KRIT1: variants seen among roughly 807,000 people sequenced by gnomAD.
KRIT1 encodes krev interaction trapped protein 1.
In KRIT1, 45 loss-of-function variants were observed where a neutral mutation model predicts 95.8. The ratio of observed to expected loss-of-function variants is 0.47; its 90% CI spans 0.37 to 0.60. KRIT1 has a LOEUF of 0.60. KRIT1 is among the 20% of genes least tolerant of loss of function. The probability of loss-of-function intolerance (pLI) is 0.00; values close to 1 mark genes in which losing one functional copy is unlikely to be tolerated. For synonymous variants in KRIT1, 282 were observed against 278.8 expected (o/e 1.01, Z -0.11); for missense variants, 788 against 877.5 (o/e 0.90, Z 1.29).
intron 10 of KRIT1, among the ~76,000 whole-genome samples, chr7:92,228,217 G>T (rs1361094889): frequency 6.6e-6 from 1 of 152,204 alleles, no homozygotes; most frequent in Admixed American, 6.5e-5. Context: ...AATATTTTAG[G>T]TAGACAGAAA....
At position 92,213,361 on chromosome 7, in the gene KRIT1, T is replaced by TCA; in HGVS notation, c.1858_1859insTG (p.His620LeufsTer42). On this transcript the variant is annotated frameshift_variant, in exon 17 of 19. Transcript: ENST00000394505. LOFTEE classifies it high-confidence loss of function. The stretch of plus-strand genomic sequence containing the variant: ...ATTCTGTAAGAACATGCGCTGAAGG[T>TCA]GATGCATTTCTTTACTGACACCTTC... The TCA allele has an allele frequency of 6.2e-7, 1 of 1,613,472 alleles. No homozygotes were observed. Among genetic ancestry groups the TCA allele is most frequent in the Non-Finnish European group, 8.5e-7 (1 of 1,179,548 alleles).
intron 17 of KRIT1, among the ~76,000 whole-genome samples, chr7:92,204,939 G>A (rs181889208): frequency 3.9e-5 from 6 of 152,174 alleles, no homozygotes; most frequent in Non-Finnish European, 7.4e-5. Context: ...CTCCATTCAC[G>A]TGTGTATCTA....
At chr7:92,238,675 C>A (rs1798938606) in intron 5 of KRIT1, among the ~76,000 whole-genome samples, 1 of 152,134 alleles carries the variant, frequency 6.6e-6, no homozygotes. Context: ...TGCTGTTTCC[C>A]CAAATCCAGT....
intron 5 of KRIT1, among the ~76,000 whole-genome samples, chr7:92,239,984 C>A (rs181309490): frequency 2.9e-3 from 448 of 152,196 alleles, no homozygotes; most frequent in Non-Finnish European, 5.0e-3. Context: ...GCTGGGATTA[C>A]AGACGTGAGC....
At position 92,229,226 on chromosome 7, in the gene KRIT1, T is replaced by C. The variant is rs1354112886; in HGVS notation, c.990-2544A>G. Among the ~76,000 whole-genome samples the C allele has an allele frequency of 2.0e-5, 3 of 152,246 alleles. No homozygotes were observed. The East Asian group carries it at 5.8e-4, about 29-fold the overall frequency. On this transcript the variant is annotated intron_variant, in intron 10 of 18. Coordinates refer to ENST00000394505, the MANE Select transcript of KRIT1 (RefSeq NM_194454.3). Reference sequence around the variant, plus strand: ...CCACCAACAGTATATAAGCGTTCCCTTTCTCTGCAACCTTGCCAGTATCTG... The same window carrying C: ...CCACCAACAGTATATAAGCGTTCCCCTTCTCTGCAACCTTGCCAGTATCTG...
At chr7:92,215,669 C>T (rs899523628) in intron 14 of KRIT1, among the ~76,000 whole-genome samples, 2 of 151,048 alleles carry the variant, frequency 1.3e-5, no homozygotes, top group Non-Finnish European at 3.0e-5. Context: ...AAGGTCTTGC[C>T]ATGTTGCCTA....
chr7:92,224,599 A>C (rs1276391119), intron 12 of KRIT1, among the ~76,000 whole-genome samples: 1 of 152,170 alleles, frequency 6.6e-6, no homozygotes. Context: ...GCCTCTAAAT[A>C]AAATTATTAT....
At chr7:92,237,570 T>C in intron 6 of KRIT1, 97 bp downstream of exon 6, 1 of 613,248 alleles carries the variant, frequency 1.6e-6, no homozygotes, top group South Asian at 2.2e-5. Flanking sequence ...TATAATATTA[T>C]AGTAGTAACT....
At chr7:92,244,607 A>G (rs1800450579) in intron 2 of KRIT1, among the ~76,000 whole-genome samples, 1 of 152,246 alleles carries the variant, frequency 6.6e-6, no homozygotes, top group African/African-American at 2.4e-5. Flanking sequence ...CAGGAAAATA[A>G]CAAAAGTAAC....
intron 6 of KRIT1, 68 bp downstream of exon 6, chr7:92,237,599 C>T: frequency 2.4e-6 from 2 of 848,658 alleles, no homozygotes; most frequent in Non-Finnish European, 3.9e-6. Context: ...AAATTCTTAA[C>T]TTCCTCAATA....
rs561094847 is a variant in KRIT1, at chr7:92,200,664, T to C, written c.*72A>G. 9.6e-7 allele frequency: 1 copy of C among 1,036,770 alleles called. No homozygotes were observed. Among genetic ancestry groups the C allele is most frequent in the African/African-American group, 1.6e-5 (1 of 63,760 alleles). 64.2% of individuals were successfully genotyped at this position (1,036,770 alleles called of 1,614,324 possible). The stretch of plus-strand genomic sequence containing the variant: ...ACCATGCTCGGCCAAAAGTAATATT[T>C]TAAGAAATCTTTCACGGAAAAAAAA... On this transcript the variant is annotated 3_prime_UTR_variant, in exon 19 of 19. Coordinates refer to ENST00000394505, the MANE Select transcript of KRIT1 (RefSeq NM_194454.3).
At chr7:92,237,510 AC>A (rs1798673288) in intron 6 of KRIT1, among the ~76,000 whole-genome samples, 156 bp downstream of exon 6, 1 of 152,108 alleles carries the variant, frequency 6.6e-6, no homozygotes, top group Admixed American at 6.6e-5. Flanking sequence ...TGAAATCAAA[AC>A]ATCTTTAAGT....
intron 10 of KRIT1, among the ~76,000 whole-genome samples, chr7:92,232,034 C>T (rs1358686030): frequency 3.9e-5 from 6 of 152,100 alleles, no homozygotes; most frequent in African/African-American, 4.8e-5. Flanking sequence ...TGGGCTCAAG[C>T]GATTCTCCTG....
At chr7:92,229,814 AGT>A (rs1005141613) in intron 10 of KRIT1, among the ~76,000 whole-genome samples, 1 of 152,206 alleles carries the variant, frequency 6.6e-6, no homozygotes, top group Non-Finnish European at 1.5e-5. Context: ...GGATAGGGAC[AGT>A]GTCTTTATAT....
chr7:92,207,723 G>C (rs1199821740), intron 17 of KRIT1, among the ~76,000 whole-genome samples: 1 of 152,116 alleles, frequency 6.6e-6, no homozygotes, highest in Non-Finnish European at 1.5e-5. Context: ...CAGGTGTGGT[G>C]GCACATGCCT....
rs374246090 is a variant in KRIT1, at chr7:92,235,632, C to T, written c.500G>A (p.Arg167His). The change falls in exon 8 of 19, where the codon CGT (arginine) becomes CAT (histidine). Residue 167 changes from arginine (R) to histidine (H), a missense_variant. Transcript: ENST00000394505. ...TGGAATAAAGTGAGATTGTGCATGACGTTCATCTAACCACCTGGCAAAATA... is the reference window on the plus strand; with the variant it reads ...TGGAATAAAGTGAGATTGTGCATGATGTTCATCTAACCACCTGGCAAAATA... ...LIALDKWLDE[R>H]HAQSHFIPAL... 1.2e-5 allele frequency: 19 copies of T among 1,613,480 alleles called. No homozygotes were observed. The Middle Eastern group carries it at 9.9e-4, about 84-fold the overall frequency.
intron 17 of KRIT1, among the ~76,000 whole-genome samples, chr7:92,212,321 T>G (rs1793029177): frequency 6.6e-6 from 1 of 152,190 alleles, no homozygotes; most frequent in South Asian, 2.1e-4. Context: ...AACAAATGTT[T>G]TAAACAGGCA....
At position 92,226,674 on chromosome 7, in the gene KRIT1, T is replaced by C. The variant is rs1306714073; in HGVS notation, c.998A>G (p.Lys333Arg). 6.2e-7 allele frequency: 1 copy of C among 1,613,192 alleles called. No homozygotes were observed. Among genetic ancestry groups the C allele is most frequent in the Non-Finnish European group, 8.5e-7 (1 of 1,179,648 alleles). ...APIHYACWYGKVEATRILLEK... is the reference protein window; with the variant it reads ...APIHYACWYGRVEATRILLEK... The stretch of plus-strand genomic sequence containing the variant: ...TAACAATATGCGAGTGGCCTCAACT[T>C]TTCCATACCTGTATAAAAAAACAAA... The change falls in exon 11 of 19, where the codon AAA becomes AGA. Residue 333 changes from lysine (K) to arginine (R), a missense_variant. Coordinates refer to ENST00000394505, the MANE Select transcript of KRIT1 (RefSeq NM_194454.3).
At chr7:92,237,619 T>G in intron 6 of KRIT1, 48 bp downstream of exon 6, 1 of 1,079,422 alleles carries the variant, frequency 9.3e-7, no homozygotes, top group Non-Finnish European at 1.4e-6. Context: ...AGACCTTTAC[T>G]TAGCATCTAA....
Sources: gnomAD v4.1 joint callset for allele counts (sites outside exome capture counted in the v4.1 genomes callset) on GRCh38, gnomAD v4.1.1 for gene constraint, MANE v1.5 for transcripts, NCBI Gene and HGNC (gene_info 2026-07-23, HGNC 2026-07-21) for gene names.